LRRC4C: variants seen among roughly 807,000 people sequenced by gnomAD.
The protein encoded by LRRC4C is leucine-rich repeat-containing protein 4C.
In LRRC4C, 5 loss-of-function variants were observed where a neutral mutation model predicts 33.6. The observed-to-expected ratio is 0.15, with a 90% CI of 0.08 to 0.31. The LOEUF is 0.31. Ranked by LOEUF, LRRC4C falls within the 10% of genes least tolerant of loss-of-function variation. The pLI, the probability that LRRC4C is intolerant of heterozygous loss-of-function variation, is 1.00. For synonymous variants in LRRC4C, 329 were observed against 302.0 expected, an observed-to-expected ratio of 1.09 and a Z score of -0.93; for missense variants, 560 against 796.7, an observed-to-expected ratio of 0.70 and a Z score of 3.58.
At chr11:41,232,061 T>G (rs532367907) in intron 1 of LRRC4C, among the ~76,000 whole-genome samples, 2 of 151,992 alleles carry the variant, frequency 1.3e-5, no homozygotes, top group Non-Finnish European at 2.9e-5. Flanking sequence ...TTTCATGACT[T>G]TTTTCAAGCT....
At chr11:41,017,381 G>A (rs1855662288) in intron 1 of LRRC4C, among the ~76,000 whole-genome samples, 1 of 152,146 alleles carries the variant, frequency 6.6e-6, no homozygotes, top group Admixed American at 6.5e-5. Context: ...CTAAGGCAAA[G>A]CCTTTGATTA....
At chr11:40,874,710 C>T (rs2135965336) in intron 2 of LRRC4C, among the ~76,000 whole-genome samples, 1 of 152,278 alleles carries the variant, frequency 6.6e-6, no homozygotes, top group Non-Finnish European at 1.5e-5. Context: ...TTGAAAAGTA[C>T]AAATACACAG....
chr11:40,880,166 G>T (rs531358603), intron 2 of LRRC4C, among the ~76,000 whole-genome samples: 1 of 152,206 alleles, frequency 6.6e-6, no homozygotes, highest in Non-Finnish European at 1.5e-5. Context: ...AGACCTGAGA[G>T]GGGGGAAGAC....
At chr11:40,530,695 G>T (rs1956237601) in intron 3 of LRRC4C, among the ~76,000 whole-genome samples, 1 of 152,176 alleles carries the variant, frequency 6.6e-6, no homozygotes, top group African/African-American at 2.4e-5. Context: ...GATAGATGCT[G>T]TGGAAGACAC....
At chr11:40,517,553 A>T (rs1005560767) in intron 3 of LRRC4C, among the ~76,000 whole-genome samples, 10 of 152,174 alleles carry the variant, frequency 6.6e-5, no homozygotes, top group Non-Finnish European at 1.3e-4. Context: ...TAGAAGATCC[A>T]ATCAGACCAC....
intron 5 of LRRC4C, among the ~76,000 whole-genome samples, chr11:40,225,032 A>G (rs1338048235): frequency 4.6e-5 from 7 of 152,210 alleles, no homozygotes; most frequent in Non-Finnish European, 1.0e-4. Flanking sequence ...GACTAAAGCA[A>G]CTGTAAAATA....
At chr11:40,216,017 A>AT (rs1395545197) in intron 5 of LRRC4C, among the ~76,000 whole-genome samples, 2 of 152,080 alleles carry the variant, frequency 1.3e-5, no homozygotes, top group African/African-American at 2.4e-5. Flanking sequence ...ATTAATCTGT[A>AT]TTTTTTGTGA....
Position 40,703,993 on chromosome 11 carries a change from T to C in LRRC4C, c.-406-55715A>G, listed in dbSNP as rs59131746. On this transcript the variant is annotated intron_variant, in intron 2 of 6. Coordinates refer to ENST00000528697, the MANE Select transcript of LRRC4C (RefSeq NM_001258419.2). Reference sequence around the variant, plus strand: ...TATGGTTACCCTCCATATTCACTAGTTTTGCATTCTCAGATTCAACCAATC... The same window carrying C: ...TATGGTTACCCTCCATATTCACTAGCTTTGCATTCTCAGATTCAACCAATC... Among the ~76,000 whole-genome samples the C allele has an allele frequency of 1.1e-3, 168 of 152,290 alleles. 2 individuals carry two copies. Among genetic ancestry groups the C allele is most frequent in the African/African-American group, 3.9e-3 (162 of 41,570 alleles).
rs186745214 is a variant in LRRC4C at position 41,246,049 on chromosome 11, C to A, written c.-496+213382G>T. ...GTAGCCCAAGCCCCAGGCCTCAGGC[C>A]ATTCCCTAGCCTGAAGGTAGGATTT... On this transcript the variant is annotated intron_variant, in intron 1 of 6. Coordinates refer to ENST00000528697, the MANE Select transcript of LRRC4C (RefSeq NM_001258419.2). Among the ~76,000 whole-genome samples, 713 of 152,278 alleles carry A rather than the reference C, an allele frequency of 4.7e-3. 3 individuals carry two copies. The highest frequency in any genetic ancestry group is 7.2e-3 in the Non-Finnish European group (487 of 68,010).
chr11:40,816,369 T>G (rs1951705443), intron 2 of LRRC4C, among the ~76,000 whole-genome samples: 2 of 152,270 alleles, frequency 1.3e-5, no homozygotes, highest in South Asian at 4.1e-4. Flanking sequence ...CATGAGTAAA[T>G]GTGAAAACCA....
intron 1 of LRRC4C, among the ~76,000 whole-genome samples, chr11:41,293,798 C>T (rs556073253): frequency 2.6e-5 from 4 of 152,104 alleles, no homozygotes; most frequent in East Asian, 1.9e-4. Flanking sequence ...GGTTTCACCA[C>T]GTATGCCAGG....
At chr11:40,118,783 T>C (rs909000065) in intron 6 of LRRC4C, among the ~76,000 whole-genome samples, 2 of 152,122 alleles carry the variant, frequency 1.3e-5, no homozygotes, top group African/African-American at 4.8e-5. Flanking sequence ...GTTGGTTACG[T>C]CAAACTTAAG....
intron 1 of LRRC4C, among the ~76,000 whole-genome samples, chr11:41,139,883 G>A (rs2135899548): frequency 6.6e-6 from 1 of 152,214 alleles, no homozygotes; most frequent in Middle Eastern, 3.4e-3. Flanking sequence ...GGGGCACTGT[G>A]GCTGAAGGAA....
chr11:40,632,044 G>A (rs1420558125), intron 3 of LRRC4C, among the ~76,000 whole-genome samples: 1 of 152,146 alleles, frequency 6.6e-6, no homozygotes, highest in African/African-American at 2.4e-5. Flanking sequence ...TAAGTGACTT[G>A]GCCAAGGTTA....
intron 2 of LRRC4C, among the ~76,000 whole-genome samples, chr11:40,787,726 T>C (rs1175945164): frequency 6.6e-6 from 1 of 152,232 alleles, no homozygotes; most frequent in Admixed American, 6.5e-5. Context: ...TTTAAATATA[T>C]GCTTAAACTA....
chr11:41,433,068 A>G (rs1955298242), intron 1 of LRRC4C, among the ~76,000 whole-genome samples: 1 of 152,160 alleles, frequency 6.6e-6, no homozygotes, highest in African/African-American at 2.4e-5. Context: ...ATGCCTCAAT[A>G]AAACACCTTG....
chr11:40,642,235 C>A (rs888752482), intron 3 of LRRC4C, among the ~76,000 whole-genome samples: 1 of 152,108 alleles, frequency 6.6e-6, no homozygotes, highest in Admixed American at 6.5e-5. Flanking sequence ...GTTTGTCTTT[C>A]TTCTGCTGCT....
chr11:41,201,814 T>C (rs117410481), intron 1 of LRRC4C, among the ~76,000 whole-genome samples: 6 of 152,234 alleles, frequency 3.9e-5, no homozygotes, highest in Admixed American at 1.3e-4. Context: ...ATGAGCCACA[T>C]TGGTTATGTT....
chr11:41,236,076 C>A (rs1948008496), intron 1 of LRRC4C, among the ~76,000 whole-genome samples: 1 of 151,974 alleles, frequency 6.6e-6, no homozygotes, highest in African/African-American at 2.4e-5. Context: ...TCTGGGGAAG[C>A]ACTTAAAAAA....
Sources: allele counts gnomAD v4.1 joint callset (sites outside exome capture counted in the v4.1 genomes callset), GRCh38; gene constraint gnomAD v4.1.1; transcripts MANE v1.5; gene names NCBI Gene and HGNC (gene_info 2026-07-23, HGNC 2026-07-21).